The following TIAM1 variants were observed in gnomAD, a reference collection of about 807,000 sequenced individuals.
TIAM1 encodes the protein rho guanine nucleotide exchange factor TIAM1.
A neutral mutation model predicts 163.5 loss-of-function variants in TIAM1; 65 were observed. The observed-to-expected ratio is 0.40, with a 90% confidence interval of 0.33 to 0.49. The LOEUF is 0.49. Ranked by LOEUF, TIAM1 falls within the 20% of genes least tolerant of loss-of-function variation. The pLI is 0.77. For missense variants in TIAM1, 1,789 were observed against 2,044.7 expected (o/e 0.87, Z 2.41); for synonymous variants, 833 against 810.1 (o/e 1.03, Z -0.48).
chr21:31,472,903 C>T (rs1196378318), intron 1 of TIAM1, among the ~76,000 whole-genome samples: 1 of 152,156 alleles, frequency 6.6e-6, no homozygotes, highest in Non-Finnish European at 1.5e-5. Context: ...CAGGTATTTT[C>T]ACCGTCATTA....
At chr21:31,259,062 T>C (rs747595324) in intron 4 of TIAM1, among the ~76,000 whole-genome samples, 13 of 152,096 alleles carry the variant, frequency 8.5e-5, no homozygotes, top group Non-Finnish European at 1.9e-4. Flanking sequence ...TTACACATTG[T>C]TATGACACAA....
rs141455857 is a variant in TIAM1 at position 31,471,677 on chromosome 21, C to T, written c.-421-7642G>A. Among the ~76,000 whole-genome samples the T allele has an allele frequency of 2.5e-3, 373 of 152,076 alleles. 1 individual carries two copies. Among genetic ancestry groups the T allele is most frequent in the Non-Finnish European group, 3.9e-3 (264 of 67,998 alleles). On this transcript the variant is annotated intron_variant, in intron 1 of 28. Coordinates refer to the TIAM1 transcript ENST00000286827. ...CTGAGGTCAGGAGTTAGAGACCAGC[C>T]TGACCAACATGGAGAAACCCTATCT...
chr21:31,274,722 C>G (rs2073212961), intron 3 of TIAM1, among the ~76,000 whole-genome samples: 1 of 152,134 alleles, frequency 6.6e-6, no homozygotes, highest in South Asian at 2.1e-4. Flanking sequence ...ATCTCTAGTG[C>G]AAAATTCTTC....
chr21:31,226,008 T>G (rs1241805273), intron 6 of TIAM1, 58 bp from the exon 7 acceptor site: 30 of 1,489,486 alleles, frequency 2.0e-5, no homozygotes, highest in Non-Finnish European at 2.8e-5. Flanking sequence ...TTAAGAGAAA[T>G]GAACCGGAGC....
At chr21:31,218,836 T>C (rs2087371406) in intron 8 of TIAM1, among the ~76,000 whole-genome samples, 1 of 152,040 alleles carries the variant, frequency 6.6e-6, no homozygotes, top group East Asian at 1.9e-4. Context: ...CTAAGCCTTT[T>C]CAAGGATGGC....
rs1334433024 is a variant in TIAM1 at position 31,545,190 on chromosome 21, C to G, written c.-422+13737G>C. Among the ~76,000 whole-genome samples the G allele has an allele frequency of 3.3e-5, 5 of 151,544 alleles. No homozygotes were observed. The East Asian group carries it at 7.7e-4, about 23-fold the overall frequency. On this transcript the variant is annotated intron_variant, in intron 1 of 28. Transcript: ENST00000286827. ...AAAGGGGGAGATGTGGAAACAGACA[C>G]ACAGACACACATGGAGAATGCAGCC... is the stretch of plus-strand genomic sequence containing the variant.
At chr21:31,311,898 G>A (rs970532525) in intron 2 of TIAM1, among the ~76,000 whole-genome samples, 2 of 150,306 alleles carry the variant, frequency 1.3e-5, no homozygotes, top group African/African-American at 2.5e-5. Context: ...CTGCCAGCAC[G>A]GCCAGAATAA....
rs139712298 is a variant in TIAM1 at position 31,266,886 on chromosome 21, G to A, written c.87C>T (p.Ser29=). 1,649 of 1,613,970 alleles carry A rather than the reference G, an allele frequency of 1.0e-3. 1 individual carries two copies. The highest frequency in any genetic ancestry group is 1.2e-3 in the Non-Finnish European group (1,435 of 1,179,922). The change falls in exon 4 of 28, where the codon TCC becomes TCT. Residue 29 remains serine (S), a synonymous_variant. Coordinates refer to ENST00000541036, the MANE Select transcript of TIAM1 (RefSeq NM_001353694.2). ...TCCGCGTCTTGTGCGAGAGGCGCAGGGAGCGGGAAGTGTGCTTGCGCCCCA... is the reference window on the plus strand; with the variant it reads ...TCCGCGTCTTGTGCGAGAGGCGCAGAGAGCGGGAAGTGTGCTTGCGCCCCA... ...ASLGRKHTSR[S]LRLSHKTRRT...
chr21:31,152,768 A>G lies in TIAM1; in HGVS notation c.3241-7T>C. 5 of 1,613,730 alleles carry G rather than the reference A, an allele frequency of 3.1e-6. No homozygotes were observed. The highest frequency in any genetic ancestry group is 4.2e-6 in the Non-Finnish European group (5 of 1,179,884). ...TTCCAAAAAGCACGTCAAGCTAGAA[A>G]TAAAACAGAATTTAATGCACCTCAT... On this transcript the variant is annotated splice_region_variant and splice_polypyrimidine_tract_variant and intron_variant, in intron 18 of 27. Coordinates refer to ENST00000541036, the MANE Select transcript of TIAM1 (RefSeq NM_001353694.2).
chr21:31,266,427 T>C lies in TIAM1; in HGVS notation c.546A>G (p.Glu182=). The C allele has an allele frequency of 6.2e-7, 1 of 1,614,236 alleles. No homozygotes were observed. The change falls in exon 4 of 28, where the codon GAA becomes GAG. Residue 182 remains glutamate, a synonymous_variant. Transcript: ENST00000541036. ...SADIWREDSL[E]FSLSDLSQEH... is the part of the protein sequence containing the mutation. The stretch of plus-strand genomic sequence containing the variant: ...CTTGGCTCAGATCAGAGAGTGAGAA[T>C]TCCAGGCTGTCCTCCCGCCAGATGT...
chr21:31,241,229 T>C lies in TIAM1; in HGVS notation c.1584+4259A>G, dbSNP rs762260067. 7.0e-4 allele frequency among the ~76,000 whole-genome samples: 107 copies of C among 152,200 alleles called. 1 individual carries two copies. The highest frequency in any genetic ancestry group is 1.1e-3 in the Non-Finnish European group (77 of 68,042). ...AGAGTCACAACACAGTCTTAGTGAA[T>C]TGACTAATACAGTCACAAATATGTA... On this transcript the variant is annotated intron_variant, in intron 6 of 27. Coordinates refer to ENST00000541036, the MANE Select transcript of TIAM1 (RefSeq NM_001353694.2).
intron 2 of TIAM1, among the ~76,000 whole-genome samples, chr21:31,398,158 C>CAAAAAAA (rs34895602): frequency 1.9e-5 from 1 of 52,518 alleles, no homozygotes; most frequent in Admixed American, 2.5e-4. Flanking sequence ...ATCTTCAGGG[C>CAAAAAAA]AAAAAAAAAA....
At chr21:31,334,110 C>T (rs2075767013) in intron 2 of TIAM1, among the ~76,000 whole-genome samples, 1 of 152,206 alleles carries the variant, frequency 6.6e-6, no homozygotes. Flanking sequence ...CAACCCCACG[C>T]TTGGTTTGCA....
At chr21:31,518,515 G>A (rs927896700) in intron 1 of TIAM1, among the ~76,000 whole-genome samples, 12 of 152,032 alleles carry the variant, frequency 7.9e-5, no homozygotes, top group African/African-American at 2.2e-4. Flanking sequence ...TCAAACTCCC[G>A]ACCTGAGGTG....
At chr21:31,490,555 G>A (rs2046428999) in intron 1 of TIAM1, among the ~76,000 whole-genome samples, 1 of 152,148 alleles carries the variant, frequency 6.6e-6, no homozygotes, top group Non-Finnish European at 1.5e-5. Flanking sequence ...GACAGACTCA[G>A]GGAACCGCCG....
chr21:31,460,021 C>T (rs1034868111), intron 2 of TIAM1, among the ~76,000 whole-genome samples: 1 of 152,196 alleles, frequency 6.6e-6, no homozygotes, highest in Non-Finnish European at 1.5e-5. Flanking sequence ...GGGACCCACA[C>T]CCAGATTACA....
At chr21:31,388,277 G>A (rs879445596) in intron 2 of TIAM1, among the ~76,000 whole-genome samples, 3 of 136,466 alleles carry the variant, frequency 2.2e-5, no homozygotes, top group South Asian at 2.4e-4. Context: ...ACGTGAATAC[G>A]GTGAATCTGA....
At chr21:31,550,404 T>C (rs1036097921) in intron 1 of TIAM1, among the ~76,000 whole-genome samples, 4 of 152,164 alleles carry the variant, frequency 2.6e-5, no homozygotes, top group African/African-American at 4.8e-5. Flanking sequence ...TATTATAGGA[T>C]TCTATTTCTC....
chr21:31,521,243 C>A (rs578026427), intron 1 of TIAM1, among the ~76,000 whole-genome samples: 1 of 152,116 alleles, frequency 6.6e-6, no homozygotes, highest in Non-Finnish European at 1.5e-5. Flanking sequence ...TGGAAATGAC[C>A]GGAGAGCTGG....
Sources: gnomAD v4.1 joint callset for allele counts (sites outside exome capture counted in the v4.1 genomes callset) on GRCh38, gnomAD v4.1.1 for gene constraint, MANE v1.5 for transcripts, NCBI Gene and HGNC (gene_info 2026-07-23, HGNC 2026-07-21) for gene names.